TEAD1: variants seen among roughly 807,000 people sequenced by gnomAD.
TEAD1 encodes transcriptional enhancer factor TEF-1.
In TEAD1, 9 loss-of-function variants were observed where a neutral mutation model predicts 54.9. The observed-to-expected ratio is 0.16, with a 90% CI of 0.10 to 0.29. The LOEUF (loss-of-function observed/expected upper bound fraction) is 0.29. Among genes scored for constraint, TEAD1 ranks in the 10% least tolerant of loss-of-function variants. TEAD1 has a pLI of 1.00. For missense variants in TEAD1, 387 were observed against 535.9 expected, an observed-to-expected ratio of 0.72 and a Z score of 2.74; for synonymous variants, 200 against 187.8, an observed-to-expected ratio of 1.07 and a Z score of -0.53.
chr11:12,750,187 GTC>G (rs1161942800), intron 2 of TEAD1, among the ~76,000 whole-genome samples: 32 of 152,316 alleles, frequency 2.1e-4, no homozygotes, highest in Admixed American at 1.9e-3. Flanking sequence ...GCAGACGCAT[GTC>G]TCTGTATAAG....
Position 12,864,488 on chromosome 11 carries a change from C to T in TEAD1, c.268-350C>T, listed in dbSNP as rs148623599. On this transcript the variant is annotated intron_variant, in intron 4 of 12. Transcript: ENST00000527636. ...ACCCAGTATGAAAAGCTTAGAGCAGCGCTGGGGGCTTGTGTCTGGCTGGGA... is the reference window on the plus strand; with the variant it reads ...ACCCAGTATGAAAAGCTTAGAGCAGTGCTGGGGGCTTGTGTCTGGCTGGGA... Among the ~76,000 whole-genome samples, 185 of 152,256 alleles carry T rather than the reference C, an allele frequency of 1.2e-3. 1 individual carries two copies. In the East Asian group the frequency reaches 0.035, roughly 28 times the overall value.
chr11:12,840,493 G>A (rs932838697), intron 3 of TEAD1, among the ~76,000 whole-genome samples: 3 of 152,138 alleles, frequency 2.0e-5, no homozygotes, highest in Non-Finnish European at 4.4e-5. Context: ...TACTGGGGTT[G>A]ATCGTTTCTG....
intron 2 of TEAD1, among the ~76,000 whole-genome samples, chr11:12,678,903 A>T (rs537927862): frequency 6.6e-6 from 1 of 152,316 alleles, no homozygotes; most frequent in South Asian, 2.1e-4. Context: ...GCTTTGAAAT[A>T]TGTGTTTTAT....
intron 3 of TEAD1, among the ~76,000 whole-genome samples, chr11:12,821,826 C>T (rs1269741139): frequency 6.6e-6 from 1 of 151,984 alleles, no homozygotes; most frequent in Non-Finnish European, 1.5e-5. Context: ...TAAGGCATTT[C>T]ATGGAACACA....
At chr11:12,764,645 TC>T (rs1945167388) in intron 3 of TEAD1, among the ~76,000 whole-genome samples, 2 of 151,974 alleles carry the variant, frequency 1.3e-5, no homozygotes, top group South Asian at 2.1e-4. Flanking sequence ...CCTGGGCTTT[TC>T]TTCTTCTACA....
intron 12 of TEAD1, among the ~76,000 whole-genome samples, chr11:12,935,415 T>A (rs909140174): frequency 4.6e-5 from 7 of 152,220 alleles, no homozygotes; most frequent in African/African-American, 1.7e-4. Context: ...TTGGCTATTC[T>A]GATGTGAATT....
chr11:12,793,586 G>C (rs56168856), intron 3 of TEAD1, among the ~76,000 whole-genome samples: 2,972 of 152,090 alleles, frequency 0.02, 107 homozygotes, highest in African/African-American at 0.066. Flanking sequence ...TTAGTTTGTA[G>C]GACATTGACT....
intron 3 of TEAD1, among the ~76,000 whole-genome samples, chr11:12,778,282 T>C (rs1229014075): frequency 6.6e-6 from 1 of 152,196 alleles, no homozygotes; most frequent in Non-Finnish European, 1.5e-5. Flanking sequence ...ATGTTCTTAC[T>C]GCTGCCTGGC....
chr11:12,688,654 C>T (rs1258727356), intron 2 of TEAD1, among the ~76,000 whole-genome samples: 1 of 152,148 alleles, frequency 6.6e-6, no homozygotes, highest in African/African-American at 2.4e-5. Flanking sequence ...GGTTGCAGCC[C>T]CAGTTCTGCC....
At position 12,941,677 on chromosome 11, in the gene TEAD1, G is replaced by C. The variant is rs1949163919; in HGVS notation, c.*4455G>C. The C allele has an allele frequency of 1.3e-5, 2 of 152,584 alleles. No homozygotes were observed. Among genetic ancestry groups the C allele is most frequent in the African/African-American group, 4.8e-5 (2 of 41,422 alleles). The allele number at this position is 152,584 out of a possible 1,614,324, so 9.5% of individuals were successfully genotyped here. ...ATGTCTGCATTGCTTATTTCTTTAT[G>C]TTGGTGTTTCTGTGGCAAAGCCCTG... On this transcript the variant is annotated 3_prime_UTR_variant, in exon 13 of 13. Transcript: ENST00000527636.
At chr11:12,784,079 T>C (rs990919961) in intron 3 of TEAD1, among the ~76,000 whole-genome samples, 12 of 152,072 alleles carry the variant, frequency 7.9e-5, no homozygotes, top group African/African-American at 2.9e-4. Context: ...GGTCAGAGGT[T>C]ATGGGAGTGA....
intron 2 of TEAD1, among the ~76,000 whole-genome samples, chr11:12,694,296 A>G (rs1385954456): frequency 1.3e-5 from 2 of 152,124 alleles, no homozygotes; most frequent in East Asian, 3.9e-4. Flanking sequence ...GAAAAAAGAG[A>G]GAGAGGGGAG....
chr11:12,926,628 T>A (rs1948907160), intron 11 of TEAD1, among the ~76,000 whole-genome samples: 1 of 152,104 alleles, frequency 6.6e-6, no homozygotes, highest in South Asian at 2.1e-4. Context: ...AAATTGGGAA[T>A]CCTGAGCATT....
intron 2 of TEAD1, among the ~76,000 whole-genome samples, chr11:12,694,476 T>C (rs1590059062): frequency 6.6e-6 from 1 of 152,258 alleles, no homozygotes; most frequent in East Asian, 1.9e-4. Context: ...ATAACTGTTT[T>C]ATTAAATATT....
At chr11:12,886,558 G>A (rs1019058654) in intron 9 of TEAD1, among the ~76,000 whole-genome samples, 22 of 152,144 alleles carry the variant, frequency 1.4e-4, no homozygotes, top group Admixed American at 1.4e-3. Context: ...TTCTCATGGA[G>A]CCCACACTTG....
chr11:12,682,536 G>A (rs1033674431), intron 2 of TEAD1, among the ~76,000 whole-genome samples: 23 of 152,166 alleles, frequency 1.5e-4, no homozygotes, highest in Non-Finnish European at 7.4e-5. Context: ...ATGAGGGGTA[G>A]GAAGGGTAAT....
chr11:12,754,041 A>G (rs963332995), intron 2 of TEAD1, among the ~76,000 whole-genome samples: 2 of 152,160 alleles, frequency 1.3e-5, no homozygotes, highest in South Asian at 2.1e-4. Flanking sequence ...AAGTGAACGT[A>G]TGTGTATGAG....
intron 10 of TEAD1, among the ~76,000 whole-genome samples, chr11:12,916,761 G>A (rs1948720901): frequency 6.6e-6 from 1 of 152,218 alleles, no homozygotes; most frequent in South Asian, 2.1e-4. Flanking sequence ...CGGACTGGAT[G>A]GGATGAGTGG....
chr11:12,764,172 C>T lies in TEAD1; in HGVS notation c.-54-7C>T. The T allele has an allele frequency of 2.5e-6, 4 of 1,570,152 alleles. No individual in the cohort carries two copies. The highest frequency in any genetic ancestry group is 2.4e-5 in the South Asian group (2 of 83,696). ...ATCCTTATACTGTTTTTGGTTTTCT[C>T]TTCTAGGTTTATTTTCTTGAAAAGG... is the stretch of plus-strand genomic sequence containing the variant. On this transcript the variant is annotated splice_region_variant and splice_polypyrimidine_tract_variant and intron_variant, in intron 2 of 12. Transcript: ENST00000527636.
Sources: gnomAD v4.1 joint callset for allele counts (sites outside exome capture counted in the v4.1 genomes callset) on GRCh38, gnomAD v4.1.1 for gene constraint, MANE v1.5 for transcripts, NCBI Gene and HGNC (gene_info 2026-07-23, HGNC 2026-07-21) for gene names.